The following SMC1B variants were observed in gnomAD, a reference collection of about 807,000 sequenced individuals.
The protein encoded by SMC1B is structural maintenance of chromosomes 1B.
Under a neutral mutation model 157.9 loss-of-function variants are expected in SMC1B, and 60 were observed. The ratio of observed to expected loss-of-function variants is 0.38; its 90% CI spans 0.31 to 0.47. The LOEUF (loss-of-function observed/expected upper bound fraction) is 0.47, where lower values mean the gene tolerates loss of function less well. SMC1B is among the 20% of genes least tolerant of loss of function. SMC1B has a pLI of 0.99. For synonymous variants in SMC1B, 445 were observed against 483.0 expected, an observed-to-expected ratio of 0.92 and a Z score of 1.03; for missense variants, 1,165 against 1,426.2, an observed-to-expected ratio of 0.82 and a Z score of 2.95.
rs954929012 is a variant in SMC1B at position 45,349,758 on chromosome 22, A to G, written c.3465T>C (p.Asp1155=). ...CTATGTTAGTATTGTCTAGGGCTGC[A>G]TCCACTTCATCTAAAACAAAGAATG... The part of the protein sequence containing the change: ...PAPFFVLDEV[D]AALDNTNIGK... The change falls in exon 23 of 25, where the codon GAT becomes GAC. Residue 1155 remains aspartate, a synonymous_variant. Coordinates refer to ENST00000357450, the MANE Select transcript of SMC1B (RefSeq NM_148674.5). The G allele has an allele frequency of 6.2e-7, 1 of 1,612,868 alleles. No individual in the cohort carries two copies.
At chr22:45,359,684 C>T in intron 18 of SMC1B, 121 bp downstream of exon 18, 1 of 1,067,234 alleles carries the variant, frequency 9.4e-7, no homozygotes. Flanking sequence ...GCCCTTTTTC[C>T]CTCCTATGAG....
At chr22:45,353,905 A>AAC (rs2086640550) in intron 21 of SMC1B, 73 bp downstream of exon 21, 3 of 638,104 alleles carry the variant, frequency 4.7e-6, no homozygotes, top group African/African-American at 1.7e-5. Flanking sequence ...AAAAAAAAAA[A>AAC]AAAAAAAAAA....
At chr22:45,394,566 G>T in intron 8 of SMC1B, 119 bp downstream of exon 8, 1 of 1,214,096 alleles carries the variant, frequency 8.2e-7, no homozygotes, top group East Asian at 3.4e-5. Flanking sequence ...AGCCCCGGAA[G>T]TTGAGGCTAC....
chr22:45,403,802 G>C (rs2087225129), intron 4 of SMC1B, among the ~76,000 whole-genome samples: 1 of 152,090 alleles, frequency 6.6e-6, no homozygotes, highest in East Asian at 1.9e-4. Context: ...ATTCTAATGG[G>C]GAGAAGAGAG....
intron 4 of SMC1B, among the ~76,000 whole-genome samples, chr22:45,402,774 T>G (rs1460643687): frequency 1.3e-5 from 2 of 152,244 alleles, no homozygotes; most frequent in Non-Finnish European, 2.9e-5. Flanking sequence ...TGATTTTGTG[T>G]TCTTGCGCTC....
At chr22:45,354,659 G>C (rs2086652736) in intron 20 of SMC1B, among the ~76,000 whole-genome samples, 3 of 152,118 alleles carry the variant, frequency 2.0e-5, no homozygotes, top group Admixed American at 2.0e-4. Flanking sequence ...CCAAAGTGCT[G>C]GGATTACAGG....
intron 16 of SMC1B, 31 bp downstream of exon 16, chr22:45,362,854 A>T (rs1298092022): frequency 2.6e-6 from 4 of 1,562,602 alleles, no homozygotes; most frequent in Non-Finnish European, 3.5e-6. Flanking sequence ...ATTTCAATGA[A>T]GAGGCACTTC....
At chr22:45,398,869 A>G (rs1210446580) in intron 6 of SMC1B, among the ~76,000 whole-genome samples, 1 of 152,140 alleles carries the variant, frequency 6.6e-6, no homozygotes, top group Non-Finnish European at 1.5e-5. Context: ...TGATTATGCC[A>G]CTGCACTCCA....
At chr22:45,389,681 C>A (rs745954414) in intron 10 of SMC1B, 31 bp downstream of exon 10, 2 of 1,578,240 alleles carry the variant, frequency 1.3e-6, no homozygotes, top group South Asian at 2.2e-5. Flanking sequence ...ATTTTTATCA[C>A]TATAAATACC....
At chr22:45,390,851 T>C (rs914766836) in intron 9 of SMC1B, among the ~76,000 whole-genome samples, 1 of 152,242 alleles carries the variant, frequency 6.6e-6, no homozygotes, top group Non-Finnish European at 1.5e-5. Flanking sequence ...CAGTGGTCTC[T>C]AGAATATTTG....
intron 1 of SMC1B, among the ~76,000 whole-genome samples, chr22:45,412,842 G>T (rs2087361228): frequency 6.6e-6 from 1 of 152,010 alleles, no homozygotes; most frequent in South Asian, 2.1e-4. Context: ...TACATTCCTG[G>T]GTCAAAGCTC....
At chr22:45,410,572 G>C (rs748990633) in intron 1 of SMC1B, among the ~76,000 whole-genome samples, 1 of 151,942 alleles carries the variant, frequency 6.6e-6, no homozygotes, top group Non-Finnish European at 1.5e-5. Context: ...CTGTGGTGGC[G>C]TGCGCCTGTA....
rs752313357 is a variant in SMC1B at position 45,389,853 on chromosome 22, G to C, written c.1590C>G (p.Tyr530Ter). ...CAAAAACCTTAGTAACAGCCAGCTG[G>C]TATTTCTTATGAATAGGATGACACA... ...FDLCHPIHKKYQLAVTKVFGR... is the reference protein window; with the variant it reads ...FDLCHPIHKK The change falls in exon 10 of 25, where the codon TAC becomes TAG. Residue 530 changes from tyrosine to a stop codon, truncating the protein, a stop_gained. Transcript: ENST00000357450. LOFTEE classifies it high-confidence loss of function. 1 of 1,614,044 alleles carries C rather than the reference G, an allele frequency of 6.2e-7. No homozygotes were observed. Among genetic ancestry groups the C allele is most frequent in the South Asian group, 1.1e-5 (1 of 91,084 alleles).
At chr22:45,402,279 C>A in intron 5 of SMC1B, 54 bp downstream of exon 5, 1 of 1,137,734 alleles carries the variant, frequency 8.8e-7, no homozygotes, top group Non-Finnish European at 1.3e-6. Context: ...TATATTATTC[C>A]CTCTATCAAG....
At chr22:45,392,404 T>A (rs1465395814) in intron 9 of SMC1B, among the ~76,000 whole-genome samples, 1 of 141,400 alleles carries the variant, frequency 7.1e-6, no homozygotes, top group Non-Finnish European at 1.5e-5. Flanking sequence ...ACTTCAATAC[T>A]TTTTTTTTTT....
At chr22:45,391,377 T>C (rs1227436441) in intron 9 of SMC1B, among the ~76,000 whole-genome samples, 4 of 152,236 alleles carry the variant, frequency 2.6e-5, no homozygotes, top group Admixed American at 2.6e-4. Flanking sequence ...TTTTATAAAT[T>C]CAAGTTCTTA....
In SMC1B at chr22:45,406,741, A is replaced by G. The variant is rs1569200872; in HGVS notation, c.411+12T>C. On this transcript the variant is annotated intron_variant, in intron 3 of 24. Transcript: ENST00000357450. ...AAAACTCTGAATCAAATAAACTACT[A>G]TAGCTACTTACCTGAAAAACCAAAC... is the stretch of plus-strand genomic sequence containing the variant. 8.2e-6 allele frequency: 13 copies of G among 1,585,510 alleles called. No homozygotes were observed. Among genetic ancestry groups the G allele is most frequent in the East Asian group, 2.2e-5 (1 of 44,708 alleles).
chr22:45,377,571 G>A (rs1460924263), intron 12 of SMC1B, among the ~76,000 whole-genome samples: 1 of 151,290 alleles, frequency 6.6e-6, no homozygotes, highest in Non-Finnish European at 1.5e-5. Flanking sequence ...CCGGGAGGCA[G>A]AGGTTGCAGT....
Position 45,352,569 on chromosome 22 carries a change from A to G in SMC1B, c.3307T>C (p.Tyr1103His), listed in dbSNP as rs2086626171. The G allele has an allele frequency of 1.9e-6, 3 of 1,613,168 alleles. No individual in the cohort carries two copies. The highest frequency in any genetic ancestry group is 2.5e-6 in the Non-Finnish European group (3 of 1,179,376). The change falls in exon 22 of 25, where the codon TAC (tyrosine) becomes CAC (histidine). Residue 1103 changes from tyrosine to histidine, a missense_variant. Tyr to His is a moderately conservative substitution (Grantham distance 83, BLOSUM62 2). Coordinates refer to ENST00000357450, the MANE Select transcript of SMC1B (RefSeq NM_148674.5). ...FLSPENPEEP[Y>H]LEGISYNCVA... is the part of the protein sequence containing the mutation. Reference sequence around the variant, plus strand: ...CAGTTATAGCTAATTCCCTCCAAGTAAGGTTCTTCAGGGTTCTCTGGGCTA... The same window carrying G: ...CAGTTATAGCTAATTCCCTCCAAGTGAGGTTCTTCAGGGTTCTCTGGGCTA...
Sources: allele counts gnomAD v4.1 joint callset (sites outside exome capture counted in the v4.1 genomes callset), GRCh38; gene constraint gnomAD v4.1.1; transcripts MANE v1.5; gene names NCBI Gene and HGNC (gene_info 2026-07-23, HGNC 2026-07-21).